Variants in CASK observed in about 807,000 individuals in gnomAD.
The protein encoded by CASK is calcium/calmodulin dependent serine protein kinase, also known as peripheral plasma membrane protein CASK.
Under a neutral mutation model 82.9 loss-of-function variants are expected in CASK, and 4 were observed. That is an observed-to-expected ratio of 0.05 (90% CI 0.02 to 0.11). The LOEUF (loss-of-function observed/expected upper bound fraction) is 0.11, where lower values mean the gene tolerates loss of function less well. Ranked by LOEUF, CASK falls within the 10% of genes least tolerant of loss-of-function variation. The pLI is 1.00. For missense variants in CASK, 358 were observed against 720.9 expected, an observed-to-expected ratio of 0.50 and a Z score of 5.76; for synonymous variants, 259 against 253.5, an observed-to-expected ratio of 1.02 and a Z score of -0.20.
Position 41,521,772 on chromosome X carries a change from G to C in CASK, c.2605-1176C>G, listed in dbSNP as rs185626806. Among the ~76,000 whole-genome samples the C allele has an allele frequency of 2.1e-3, 237 of 112,001 alleles. 1 individual carries two copies. Among genetic ancestry groups the C allele is most frequent in the African/African-American group, 7.6e-3 (233 of 30,850 alleles). On this transcript the variant is annotated intron_variant, in intron 26 of 26. Coordinates refer to ENST00000378163, the MANE Select transcript of CASK (RefSeq NM_001367721.1). The stretch of plus-strand genomic sequence containing the variant: ...GGGCTGAGTCTTAAATATACATAGA[G>C]ATAACGAAATACCTCTTTATTTGAT...
At chrX:41,631,371 T>C (rs1189552718) in intron 9 of CASK, among the ~76,000 whole-genome samples, 3 of 111,911 alleles carry the variant, frequency 2.7e-5, no homozygotes, top group South Asian at 3.7e-4. Context: ...GGTGGGAGGA[T>C]TGCTTCAGTC....
At chrX:41,851,266 GT>G (rs1265151239) in intron 2 of CASK, among the ~76,000 whole-genome samples, 3 of 111,800 alleles carry the variant, frequency 2.7e-5, no homozygotes, top group African/African-American at 9.8e-5. Context: ...AATAGAATGG[GT>G]GGCTTTGTCT....
At chrX:41,699,369 C>T (rs2067751840) in intron 5 of CASK, among the ~76,000 whole-genome samples, 1 of 111,691 alleles carries the variant, frequency 9.0e-6, no homozygotes, top group Non-Finnish European at 1.9e-5. Flanking sequence ...AAAAAGGTGA[C>T]AAAATTATAT....
At chrX:41,605,261 C>T (rs958116987) in intron 12 of CASK, among the ~76,000 whole-genome samples, 2 of 111,252 alleles carry the variant, frequency 1.8e-5, no homozygotes, top group African/African-American at 6.5e-5. Flanking sequence ...AATTCATGGT[C>T]CATAAAACTA....
intron 6 of CASK, among the ~76,000 whole-genome samples, chrX:41,668,803 C>A (rs1053324517): frequency 9.1e-6 from 1 of 109,482 alleles, no homozygotes; most frequent in Admixed American, 9.7e-5. Context: ...GGCAGTGGTG[C>A]GATCTCAGCT....
chrX:41,563,350 C>A (rs1602267478), intron 16 of CASK, among the ~76,000 whole-genome samples: 1 of 81,139 alleles, frequency 1.2e-5, no homozygotes, highest in Non-Finnish European at 2.3e-5. Context: ...GAGCAAGACC[C>A]TGTCTCAAAA....
chrX:41,819,429 C>T (rs770060036), intron 2 of CASK, among the ~76,000 whole-genome samples: 2 of 110,927 alleles, frequency 1.8e-5, no homozygotes, highest in Non-Finnish European at 3.8e-5. Context: ...TCTGAATAGC[C>T]CTAAATTTAT....
chrX:41,752,912 T>G (rs1003261412), intron 3 of CASK, among the ~76,000 whole-genome samples: 105 of 112,153 alleles, frequency 9.4e-4, no homozygotes, highest in African/African-American at 3.2e-3. Flanking sequence ...TCGGCTCAAT[T>G]ATTTCCTTCC....
intron 26 of CASK, chrX:41,522,243 G>T (rs968949944): frequency 8.9e-6 from 1 of 111,850 alleles, no homozygotes; most frequent in Non-Finnish European, 1.9e-5. Context: ...GAGATAAAGA[G>T]ACTTGCTTGA....
chrX:41,879,786 C>T (rs1157101783), intron 1 of CASK, among the ~76,000 whole-genome samples: 2 of 112,043 alleles, frequency 1.8e-5, no homozygotes, highest in Non-Finnish European at 3.8e-5. Context: ...ACAGAACTTA[C>T]TTTTATTTCA....
intron 1 of CASK, among the ~76,000 whole-genome samples, chrX:41,892,073 G>C (rs189907168): frequency 9.1e-6 from 1 of 110,381 alleles, no homozygotes; most frequent in East Asian, 2.9e-4. Context: ...CATACCTGTA[G>C]TCCCAGTTAC....
chrX:41,816,158 A>C (rs979850469), intron 2 of CASK, among the ~76,000 whole-genome samples: 1 of 112,270 alleles, frequency 8.9e-6, no homozygotes, highest in Non-Finnish European at 1.9e-5. Flanking sequence ...AGCTAAAAAA[A>C]CAAAATTTTT....
At chrX:41,540,384 T>C (rs780456658) in intron 22 of CASK, among the ~76,000 whole-genome samples, 1 of 112,545 alleles carries the variant, frequency 8.9e-6, no homozygotes, top group African/African-American at 3.2e-5. Context: ...TCAACCTGGA[T>C]AGGCAATGTC....
At chrX:41,892,515 A>G (rs768304209) in intron 1 of CASK, among the ~76,000 whole-genome samples, 3 of 110,197 alleles carry the variant, frequency 2.7e-5, no homozygotes, top group African/African-American at 9.9e-5. Context: ...TTGTATTTTT[A>G]GTAGAGACAG....
chrX:41,785,862 T>C (rs957518041), intron 3 of CASK, among the ~76,000 whole-genome samples: 12 of 111,528 alleles, frequency 1.1e-4, no homozygotes, highest in Non-Finnish European at 2.1e-4. Context: ...GCAGAAGTGA[T>C]GGTGTGTAAT....
At position 41,856,791 on chromosome X, in the gene CASK, G is replaced by A. The variant is rs186539190; in HGVS notation, c.60-3564C>T. 2.9e-3 allele frequency among the ~76,000 whole-genome samples: 225 copies of A among 77,830 alleles called. 3 individuals carry two copies. The highest frequency in any genetic ancestry group is 9.6e-3 in the Middle Eastern group (1 of 104). The allele number at this position is 77,830 out of a possible 115,157, so 67.6% of individuals were successfully genotyped here. On this transcript the variant is annotated intron_variant, in intron 1 of 26. Coordinates refer to ENST00000378163, the MANE Select transcript of CASK (RefSeq NM_001367721.1). ...AGCCTGGGTGACAGAGCAAGACTCC[G>A]TCTCAAAAAAAAAAAAAAAAAACCA...
At chrX:41,527,433 A>T (rs1024188885) in intron 25 of CASK, among the ~76,000 whole-genome samples, 1 of 112,164 alleles carries the variant, frequency 8.9e-6, no homozygotes, top group Admixed American at 9.5e-5. Context: ...CCAATAATTA[A>T]TCTCAGGTTA....
At chrX:41,584,659 A>G (rs1351384499) in intron 14 of CASK, 1 of 111,631 alleles carries the variant, frequency 9.0e-6, no homozygotes, top group African/African-American at 3.3e-5. Context: ...GGAGGGGGAC[A>G]CAGGTGGTAA....
intron 2 of CASK, 92 bp from the exon 3 acceptor site, chrX:41,787,375 T>C: frequency 3.5e-6 from 2 of 576,740 alleles, no homozygotes; most frequent in Non-Finnish European, 6.1e-6. Context: ...TATGGTAACA[T>C]GGATACTTCT....
Sources: gnomAD v4.1 joint callset for allele counts (sites outside exome capture counted in the v4.1 genomes callset) on GRCh38, gnomAD v4.1.1 for gene constraint, MANE v1.5 for transcripts, NCBI Gene and HGNC (gene_info 2026-07-23, HGNC 2026-07-21) for gene names.